DOCK2: variants seen among roughly 807,000 people sequenced by gnomAD.
The protein encoded by DOCK2 is dedicator of cytokinesis 2.
A neutral mutation model predicts 248.9 loss-of-function variants in DOCK2; 87 were observed. The observed-to-expected ratio is 0.35, with a 90% CI of 0.29 to 0.42. DOCK2 has a LOEUF of 0.42. Among genes scored for constraint, DOCK2 ranks in the 10% least tolerant of loss-of-function variants. DOCK2 has a pLI of 1.00. For missense variants in DOCK2, 1,747 were observed against 2,300.2 expected (o/e 0.76, Z 4.92); for synonymous variants, 805 against 821.6 (o/e 0.98, Z 0.35).
At chr5:169,851,719 A>G (rs749126141) in intron 27 of DOCK2, among the ~76,000 whole-genome samples, 1 of 152,216 alleles carries the variant, frequency 6.6e-6, no homozygotes, top group Non-Finnish European at 1.5e-5. Context: ...TAGGAAACTT[A>G]CAATCATGGT....
chr5:169,762,776 A>G (rs1764564158), intron 25 of DOCK2, among the ~76,000 whole-genome samples: 1 of 152,266 alleles, frequency 6.6e-6, no homozygotes, highest in South Asian at 2.1e-4. Context: ...TGTCAATAAT[A>G]AAATGCGAAG....
intron 27 of DOCK2, among the ~76,000 whole-genome samples, chr5:169,963,827 C>T (rs972661251): frequency 3.9e-5 from 6 of 152,094 alleles, no homozygotes; most frequent in East Asian, 3.9e-4. Flanking sequence ...GCAGAGTCCC[C>T]GGGAAGGCTG....
Position 170,080,228 on chromosome 5 carries a change from G to A in DOCK2, c.5232G>A (p.Lys1744=), listed in dbSNP as rs763716272. ...CGGAGCATGCGGCCATCCCCCTCAA[G>A]GCGTCTGTCCTCTCTCAAATGAGCT... ...NLSEHAAIPL[K]ASVLSQMSFA... is the part of the protein sequence containing the mutation. Residue 1744 remains lysine, a synonymous_variant, in exon 50 of 52, where the codon AAG becomes AAA. Transcript: ENST00000520908. The A allele has an allele frequency of 1.2e-6, 2 of 1,614,122 alleles. No individual in the cohort carries two copies. The highest frequency in any genetic ancestry group is 2.2e-5 in the South Asian group (2 of 91,076).
intron 46 of DOCK2, chr5:170,075,576 A>G (rs1481294031): frequency 5.7e-6 from 1 of 173,920 alleles, no homozygotes; most frequent in African/African-American, 2.4e-5. Flanking sequence ...TGCCAAGAAC[A>G]TCTTAGGCAA....
At chr5:169,667,945 G>A (rs1758828421) in intron 2 of DOCK2, among the ~76,000 whole-genome samples, 1 of 152,192 alleles carries the variant, frequency 6.6e-6, no homozygotes, top group Admixed American at 6.5e-5. Context: ...GTAGCTTAGT[G>A]GAGATTTAGT....
intron 22 of DOCK2, among the ~76,000 whole-genome samples, chr5:169,734,008 A>G (rs1353141931): frequency 6.6e-6 from 1 of 152,164 alleles, no homozygotes; most frequent in Non-Finnish European, 1.5e-5. Flanking sequence ...TCTCTGAAAT[A>G]TCAATCAGCA....
In DOCK2 at chr5:169,718,687, G is replaced by A; in HGVS notation, c.2163G>A (p.Leu721=). ...TGATGACAGTGCTGAAGACTTACTTGGATACCTCCAGCAGAGGGGAGCAAT... is the reference window on the plus strand; with the variant it reads ...TGATGACAGTGCTGAAGACTTACTTAGATACCTCCAGCAGAGGGGAGCAAT... ...KKLMTVLKTY[L]DTSSRGEQCE... is the part of the protein sequence containing the mutation. Residue 721 remains leucine, a synonymous_variant, in exon 22 of 52, where the codon TTG becomes TTA. Coordinates refer to ENST00000520908, the MANE Select transcript of DOCK2 (RefSeq NM_004946.3). 1 of 1,613,624 alleles carries A rather than the reference G, an allele frequency of 6.2e-7. No individual in the cohort carries two copies.
chr5:169,873,286 G>A (rs938650751), intron 27 of DOCK2, among the ~76,000 whole-genome samples: 7 of 152,170 alleles, frequency 4.6e-5, no homozygotes, highest in Non-Finnish European at 8.8e-5. Flanking sequence ...CTCCTGTTGG[G>A]ACTCAGAGAA....
chr5:170,009,671 G>A (rs907285661), intron 32 of DOCK2, among the ~76,000 whole-genome samples: 8 of 152,116 alleles, frequency 5.3e-5, no homozygotes, highest in African/African-American at 1.9e-4. Flanking sequence ...TTTAATTTTT[G>A]TTCCCTCTTC....
At chr5:170,049,938 G>A (rs540081003) in intron 40 of DOCK2, among the ~76,000 whole-genome samples, 1 of 152,332 alleles carries the variant, frequency 6.6e-6, no homozygotes, top group East Asian at 1.9e-4. Flanking sequence ...TTGTGGCCAT[G>A]TATATAGGAG....
rs1425546973 is a variant in DOCK2, at chr5:169,998,075, C to G, written c.3072+1911C>G. ...AATACTTCCTCCTTAAAGAGGCCTCCCCTCCTGACTCCTCCCTGAGGATCA... is the reference window on the plus strand; with the variant it reads ...AATACTTCCTCCTTAAAGAGGCCTCGCCTCCTGACTCCTCCCTGAGGATCA... On this transcript the variant is annotated intron_variant, in intron 30 of 51. Coordinates refer to ENST00000520908, the MANE Select transcript of DOCK2 (RefSeq NM_004946.3). 9 of 455,962 alleles carry G rather than the reference C, an allele frequency of 2.0e-5. No homozygotes were observed. In the East Asian group the frequency reaches 6.2e-4, roughly 32 times the overall value. The allele number at this position is 455,962 out of a possible 1,614,324, so 28.2% of individuals were successfully genotyped here.
At chr5:170,012,708 T>G (rs1317343421) in intron 32 of DOCK2, among the ~76,000 whole-genome samples, 1 of 152,220 alleles carries the variant, frequency 6.6e-6, no homozygotes, top group Non-Finnish European at 1.5e-5. Flanking sequence ...AAATGGAATT[T>G]ACTTTTCCCA....
intron 27 of DOCK2, among the ~76,000 whole-genome samples, chr5:169,943,781 A>G (rs181627025): frequency 2.6e-4 from 39 of 152,292 alleles, no homozygotes; most frequent in Admixed American, 1.7e-3. Flanking sequence ...AGTTGACGGT[A>G]GGGTCCAGGG....
chr5:169,867,813 C>T (rs1044406605), intron 27 of DOCK2, among the ~76,000 whole-genome samples: 2 of 152,182 alleles, frequency 1.3e-5, no homozygotes, highest in Non-Finnish European at 2.9e-5. Context: ...TTTCTGTCTG[C>T]ACCACCTATA....
intron 1 of DOCK2, among the ~76,000 whole-genome samples, chr5:169,647,121 C>T (rs560520330): frequency 6.6e-6 from 1 of 152,324 alleles, no homozygotes; most frequent in South Asian, 2.1e-4. Flanking sequence ...TGCCATCATC[C>T]CCTTCATACT....
intron 25 of DOCK2, among the ~76,000 whole-genome samples, chr5:169,799,362 T>A (rs924503397): frequency 6.6e-6 from 1 of 152,204 alleles, no homozygotes; most frequent in Non-Finnish European, 1.5e-5. Context: ...GAAGGCATAA[T>A]TGGGAAGCTA....
Position 169,649,237 on chromosome 5 carries a change from G to A in DOCK2, c.44-5166G>A, listed in dbSNP as rs573810900. On this transcript the variant is annotated intron_variant, in intron 1 of 51. Coordinates refer to ENST00000520908, the MANE Select transcript of DOCK2 (RefSeq NM_004946.3). Reference sequence around the variant, plus strand: ...TGTCCAAACTCTATTAACACTTGGTGTTGGCTGAAGCTTGTGTTTTCAAAC... The same window carrying A: ...TGTCCAAACTCTATTAACACTTGGTATTGGCTGAAGCTTGTGTTTTCAAAC... Among the ~76,000 whole-genome samples the A allele has an allele frequency of 1.2e-3, 186 of 152,318 alleles. 1 individual carries two copies. Among genetic ancestry groups the A allele is most frequent in the African/African-American group, 4.1e-3 (172 of 41,578 alleles).
At chr5:169,891,521 C>A (rs1387002082) in intron 27 of DOCK2, among the ~76,000 whole-genome samples, 2 of 152,120 alleles carry the variant, frequency 1.3e-5, no homozygotes, top group African/African-American at 4.8e-5. Context: ...CAAGCTTAAG[C>A]ACAATTCCAA....
intron 32 of DOCK2, 57 bp from the exon 33 acceptor site, chr5:170,018,903 G>T: frequency 6.3e-7 from 1 of 1,590,850 alleles, no homozygotes. Context: ...CTTGGTCGGA[G>T]GAGGACCTGT....
Sources: allele counts gnomAD v4.1 joint callset (sites outside exome capture counted in the v4.1 genomes callset), GRCh38; gene constraint gnomAD v4.1.1; transcripts MANE v1.5; gene names NCBI Gene and HGNC (gene_info 2026-07-23, HGNC 2026-07-21).